Variants in SEMA4D observed in about 807,000 individuals in gnomAD.
SEMA4D encodes the protein semaphorin-4D.
A neutral mutation model predicts 74.8 loss-of-function variants in SEMA4D; 22 were observed. That is an observed-to-expected ratio of 0.29 (90% CI 0.21 to 0.42). The LOEUF (loss-of-function observed/expected upper bound fraction) is 0.42. Among genes scored for constraint, SEMA4D ranks in the 10% least tolerant of loss-of-function variants. SEMA4D has a pLI of 1.00. For synonymous variants in SEMA4D, 445 were observed against 463.7 expected, an observed-to-expected ratio of 0.96 and a Z score of 0.52; for missense variants, 937 against 1,118.4, an observed-to-expected ratio of 0.84 and a Z score of 2.31.
At chr9:89,372,187 T>G (rs1835124465) in intron 16 of SEMA4D, among the ~76,000 whole-genome samples, 1 of 51,164 alleles carries the variant, frequency 2.0e-5, no homozygotes, top group African/African-American at 8.7e-5. Flanking sequence ...GGGTGTGGTG[T>G]GTGTGGGGGG....
chr9:89,389,277 C>T (rs974174229), intron 9 of SEMA4D, among the ~76,000 whole-genome samples: 12 of 152,238 alleles, frequency 7.9e-5, no homozygotes, highest in South Asian at 4.1e-4. Context: ...CAAAACAAAA[C>T]GGACAAAAGC....
chr9:89,422,382 C>T (rs1165804905), intron 2 of SEMA4D, among the ~76,000 whole-genome samples: 1 of 152,234 alleles, frequency 6.6e-6, no homozygotes, highest in East Asian at 1.9e-4. Context: ...GGGCAGGCCA[C>T]AGCAACCGCA....
Position 89,461,700 on chromosome 9 carries a change from C to CTT in SEMA4D, c.-309-5749_-309-5748dup, listed in dbSNP as rs61696689. Reference sequence around the variant, plus strand: ...GGGCCAATGTGTATTTCTTTTTTCTCTTTTTTTTTTTTTTTTTTTGGAGAC... The same window carrying CTT: ...GGGCCAATGTGTATTTCTTTTTTCTCTTTTTTTTTTTTTTTTTTTTTGGAGAC... On this transcript the variant is annotated intron_variant, in intron 1 of 15. Transcript: ENST00000422704. Among the ~76,000 whole-genome samples the CTT allele has an allele frequency of 3.1e-3, 324 of 103,654 alleles. 16 individuals are homozygous for CTT. Among genetic ancestry groups the CTT allele is most frequent in the African/African-American group, 0.01 (297 of 28,844 alleles). 68.0% of individuals were successfully genotyped at this position (103,654 alleles called of 152,430 possible).
intron 1 of SEMA4D, chr9:89,472,233 C>T (rs1363504809): frequency 1.4e-5 from 4 of 278,542 alleles, no homozygotes; most frequent in Non-Finnish European, 2.8e-5. Flanking sequence ...GTAAAGAACA[C>T]AAGATGGCAG....
chr9:89,454,509 T>A (rs1855463445), intron 2 of SEMA4D, among the ~76,000 whole-genome samples: 1 of 152,072 alleles, frequency 6.6e-6, no homozygotes, highest in Admixed American at 6.5e-5. Flanking sequence ...CTCCACCAAA[T>A]CAAACAGAGC....
chr9:89,371,535 TGGGG>T (rs1564499099), intron 16 of SEMA4D, among the ~76,000 whole-genome samples: 1 of 12,196 alleles, frequency 8.2e-5, no homozygotes, highest in Non-Finnish European at 1.6e-4. Context: ...GGTGTGTGTG[TGGGG>T]GTGTGTTTGG....
In SEMA4D at chr9:89,371,578, CTG is replaced by C. The variant is rs796661066; in HGVS notation, c.1882+5253_1882+5254del. On this transcript the variant is annotated intron_variant, in intron 16 of 18. Coordinates refer to the SEMA4D transcript ENST00000339861. ...GTGGTGTGTGGGGGGGGGTGTGTGTCTGGGGTGTGGTGTGTGTCTGGGGTGTG... is the reference window on the plus strand; with the variant it reads ...GTGGTGTGTGGGGGGGGGTGTGTGTCGGGTGTGGTGTGTGTCTGGGGTGTG... 2.1e-3 allele frequency among the ~76,000 whole-genome samples: 17 copies of C among 8,064 alleles called. 3 individuals carry two copies. Among genetic ancestry groups the C allele is most frequent in the East Asian group, 0.01 (2 of 192 alleles). The allele number at this position is 8,064 out of a possible 152,430, so 5.3% of individuals were successfully genotyped here.
chr9:89,370,368 C>T (rs1419521939), intron 16 of SEMA4D, among the ~76,000 whole-genome samples: 1 of 140,874 alleles, frequency 7.1e-6, no homozygotes, highest in Non-Finnish European at 1.5e-5. Flanking sequence ...TGTATCTGTA[C>T]GTATGTGGTG....
At chr9:89,436,851 C>A (rs1201052528) in intron 2 of SEMA4D, among the ~76,000 whole-genome samples, 1 of 152,210 alleles carries the variant, frequency 6.6e-6, no homozygotes, top group Non-Finnish European at 1.5e-5. Flanking sequence ...CAGGCCTGGC[C>A]ACTACTTCAG....
chr9:89,440,326 C>A (rs1363809302), intron 2 of SEMA4D, among the ~76,000 whole-genome samples: 1 of 152,236 alleles, frequency 6.6e-6, no homozygotes, highest in African/African-American at 2.4e-5. Context: ...TTCACCCACC[C>A]CCATGGTATA....
chr9:89,424,825 G>A (rs1296790196), intron 2 of SEMA4D, among the ~76,000 whole-genome samples: 1 of 151,940 alleles, frequency 6.6e-6, no homozygotes, highest in African/African-American at 2.4e-5. Flanking sequence ...TACGGCCCCT[G>A]TGCCCCCGGC....
At chr9:89,449,085 C>T (rs964985331) in intron 2 of SEMA4D, among the ~76,000 whole-genome samples, 1 of 152,136 alleles carries the variant, frequency 6.6e-6, no homozygotes, top group Non-Finnish European at 1.5e-5. Context: ...AGACACAAGC[C>T]CGGATAGCAC....
intron 1 of SEMA4D, among the ~76,000 whole-genome samples, chr9:89,482,176 G>A (rs1040764456): frequency 2.6e-5 from 4 of 152,194 alleles, no homozygotes; most frequent in African/African-American, 9.6e-5. Flanking sequence ...CACTTGCAAT[G>A]TCCACCATCC....
intron 2 of SEMA4D, among the ~76,000 whole-genome samples, chr9:89,453,677 G>A (rs57059348): frequency 0.012 from 1,785 of 152,250 alleles, 31 homozygotes; most frequent in African/African-American, 0.04. Flanking sequence ...TGTGGTGGCC[G>A]TGCTGTCTCC....
Position 89,382,635 on chromosome 9 carries a change from T to C in SEMA4D, c.1447-1289A>G, listed in dbSNP as rs539420134. Among the ~76,000 whole-genome samples, 289 of 152,228 alleles carry C rather than the reference T, an allele frequency of 1.9e-3. 10 individuals are homozygous for C. The highest frequency in any genetic ancestry group is 0.019 in the Admixed American group (285 of 15,290). ...AGATGAGGCCATGTGTGAGCCACGT[T>C]TGTGGGAAGGATTGAGGATGACATC... On this transcript the variant is annotated intron_variant, in intron 13 of 15. Transcript: ENST00000422704.
intron 2 of SEMA4D, among the ~76,000 whole-genome samples, chr9:89,428,679 C>G (rs909104282): frequency 1.3e-5 from 2 of 152,238 alleles, no homozygotes; most frequent in Non-Finnish European, 2.9e-5. Flanking sequence ...AGACTGCTTT[C>G]TCCTGCACCA....
At chr9:89,425,189 T>C (rs75517013) in intron 2 of SEMA4D, among the ~76,000 whole-genome samples, 1,589 of 152,242 alleles carry the variant, frequency 0.01, 16 homozygotes, top group Middle Eastern at 0.078. Flanking sequence ...TTTCCTGCCT[T>C]GCCCAGTGTT....
intron 2 of SEMA4D, among the ~76,000 whole-genome samples, chr9:89,429,083 A>G (rs1848702576): frequency 6.6e-6 from 1 of 152,156 alleles, no homozygotes; most frequent in Non-Finnish European, 1.5e-5. Context: ...GCGAAGAGTC[A>G]AGCACAGCCC....
intron 13 of SEMA4D, 84 bp downstream of exon 13, chr9:89,386,283 C>A: frequency 8.5e-7 from 1 of 1,181,662 alleles, no homozygotes; most frequent in Non-Finnish European, 1.2e-6. Context: ...AGGAGCCCGA[C>A]TCCAGCTTGC....
Sources: allele counts gnomAD v4.1 joint callset (sites outside exome capture counted in the v4.1 genomes callset), GRCh38; gene constraint gnomAD v4.1.1; transcripts MANE v1.5; gene names NCBI Gene and HGNC (gene_info 2026-07-23, HGNC 2026-07-21).